COL5A1: variants seen among roughly 807,000 people sequenced by gnomAD.
The protein encoded by COL5A1 is collagen alpha-1(V) chain.
COL5A1 carries 16 observed loss-of-function variants against 263.7 expected under a neutral mutation model. The observed-to-expected ratio is 0.06, with a 90% CI of 0.04 to 0.09. COL5A1 has a LOEUF of 0.09. COL5A1 is among the 10% of genes least tolerant of loss of function. COL5A1 has a pLI of 1.00. For synonymous variants in COL5A1, 1,012 were observed against 1,004.5 expected, an observed-to-expected ratio of 1.01 and a Z score of -0.14; for missense variants, 2,036 against 2,540.5, an observed-to-expected ratio of 0.80 and a Z score of 4.27.
In COL5A1 at chr9:134,830,038, G is replaced by C. The variant is rs772575028; in HGVS notation, c.5130G>C (p.Gly1710=). The C allele has an allele frequency of 1.9e-6, 3 of 1,613,918 alleles. No homozygotes were observed. The African/African-American group carries it at 4.0e-5, about 22-fold the overall frequency. ...CCTGGTTCAGTGAATTCAAGCGTGG[G>C]AAACTGGTAAGGTGGCCTCTGGCGT... ...PGSWFSEFKR[G]KLLSYVDAEG... is the part of the protein sequence containing the mutation. The change falls in exon 64 of 66, where the codon GGG becomes GGC. Residue 1710 remains glycine (G), a synonymous_variant. Transcript: ENST00000371817.
At chr9:134,776,102 C>T (rs1837042578) in intron 27 of COL5A1, among the ~76,000 whole-genome samples, 1 of 152,142 alleles carries the variant, frequency 6.6e-6, no homozygotes, top group Non-Finnish European at 1.5e-5. Context: ...ACTTCCATTT[C>T]CCAGGAATGA....
At chr9:134,747,476 TAC>T (rs1835559824) in intron 11 of COL5A1, among the ~76,000 whole-genome samples, 3 of 150,728 alleles carry the variant, frequency 2.0e-5, no homozygotes, top group Admixed American at 1.3e-4. Context: ...TACACATGCA[TAC>T]ACACATGCAT....
chr9:134,782,757 G>C, intron 29 of COL5A1, 37 bp downstream of exon 29: 3 of 1,602,972 alleles, frequency 1.9e-6, no homozygotes, highest in Non-Finnish European at 2.6e-6. Flanking sequence ...GCTGGGGAAA[G>C]CTGGGTGGGC....
chr9:134,811,536 C>T lies in COL5A1; in HGVS notation c.3627C>T (p.Phe1209=), dbSNP rs748000980. Residue 1209 remains phenylalanine (F), a synonymous_variant, in exon 46 of 66, where the codon TTC becomes TTT. Transcript: ENST00000371817. The part of the protein sequence containing the change: ...EPGPRGQQGL[F]GQKGDEGPRG... Reference sequence around the variant, plus strand: ...GGCCTCGGGGCCAGCAGGGCCTTTTCGGGCAGAAAGGTGATGAAGGTCCCA... The same window carrying T: ...GGCCTCGGGGCCAGCAGGGCCTTTTTGGGCAGAAAGGTGATGAAGGTCCCA... 29 of 1,596,634 alleles carry T rather than the reference C, an allele frequency of 1.8e-5. No individual in the cohort carries two copies. The highest frequency in any genetic ancestry group is 4.5e-5 in the South Asian group (4 of 89,524).
At chr9:134,687,466 C>T (rs1181637225) in intron 1 of COL5A1, among the ~76,000 whole-genome samples, 4 of 151,758 alleles carry the variant, frequency 2.6e-5, no homozygotes, top group Non-Finnish European at 4.4e-5. Context: ...CATCATCCAT[C>T]CATCCATTCA....
At chr9:134,685,510 C>A (rs200408399) in intron 1 of COL5A1, among the ~76,000 whole-genome samples, 4,253 of 89,882 alleles carry the variant, frequency 0.047, 148 homozygotes, top group Admixed American at 0.064. Context: ...CCATCCATCA[C>A]CATCCATCCA....
At chr9:134,833,592 A>G (rs1217937743) in intron 64 of COL5A1, among the ~76,000 whole-genome samples, 1 of 152,150 alleles carries the variant, frequency 6.6e-6, no homozygotes, top group Non-Finnish European at 1.5e-5. Flanking sequence ...TTGAGTGGCC[A>G]TGCCAGACAT....
intron 64 of COL5A1, among the ~76,000 whole-genome samples, chr9:134,834,480 C>T (rs1021043204): frequency 2.0e-5 from 3 of 152,130 alleles, no homozygotes; most frequent in South Asian, 4.2e-4. Context: ...CACTGGCTGC[C>T]GTTCACCATG....
intron 18 of COL5A1, among the ~76,000 whole-genome samples, chr9:134,760,757 A>ACC: frequency 7.8e-6 from 1 of 127,554 alleles, no homozygotes; most frequent in African/African-American, 3.3e-5. Flanking sequence ...CACACACCCC[A>ACC]CACATACACG....
At position 134,821,879 on chromosome 9, in the gene COL5A1, G is replaced by A. The variant is rs1052226932; in HGVS notation, c.4555-218G>A. On this transcript the variant is annotated intron_variant, in intron 58 of 65. Transcript: ENST00000371817. This position sits in a 1 kb window ranked among gnomAD's most constrained non-coding sequence, Gnocchi z 4.2. Reference sequence around the variant, plus strand: ...GCAGCCCAGCCGGGGGAGCAGTGCCGAGGGCTGGCAGCCTTGGGGTGGATG... The same window carrying A: ...GCAGCCCAGCCGGGGGAGCAGTGCCAAGGGCTGGCAGCCTTGGGGTGGATG... Among the ~76,000 whole-genome samples, 1 of 152,240 alleles carries A rather than the reference G, an allele frequency of 6.6e-6. No homozygotes were observed. The highest frequency in any genetic ancestry group is 2.4e-5 in the African/African-American group (1 of 41,466).
chr9:134,798,746 G>A (rs1448955452), intron 37 of COL5A1, among the ~76,000 whole-genome samples: 1 of 152,242 alleles, frequency 6.6e-6, no homozygotes, highest in East Asian at 1.9e-4. Context: ...TTGGTGAGAG[G>A]CCACATTTAA....
Position 134,821,687 on chromosome 9 carries a change from G to C in COL5A1, c.4555-410G>C, listed in dbSNP as rs952480974. On this transcript the variant is annotated intron_variant, in intron 58 of 65. Coordinates refer to ENST00000371817, the MANE Select transcript of COL5A1 (RefSeq NM_000093.5). The surrounding 1 kb of genome is among the most constrained non-coding windows in gnomAD (Gnocchi z 4.2). ...ATGGGACTCCCTGCCCAACCCCTCC[G>C]GGCTTAGTTCTAGAGGGGAGACTAA... Among the ~76,000 whole-genome samples the C allele has an allele frequency of 6.6e-6, 1 of 152,194 alleles. No individual in the cohort carries two copies. Among genetic ancestry groups the C allele is most frequent in the Non-Finnish European group, 1.5e-5 (1 of 68,040 alleles).
At chr9:134,761,581 G>A (rs1327096438) in intron 18 of COL5A1, among the ~76,000 whole-genome samples, 3 of 152,232 alleles carry the variant, frequency 2.0e-5, no homozygotes, top group Admixed American at 6.5e-5. Flanking sequence ...GGGTATGAGC[G>A]TGAGGCTGCT....
In COL5A1 at chr9:134,822,866, A is replaced by T. The variant is rs952153639; in HGVS notation, c.4609-132A>T. ...CCTCCCACTCTAGCCGGGCAAATAC[A>T]AGCATAGACTCTTGAGGGGGATGCG... On this transcript the variant is annotated intron_variant, in intron 59 of 65. Coordinates refer to ENST00000371817, the MANE Select transcript of COL5A1 (RefSeq NM_000093.5). 2.0e-5 allele frequency: 21 copies of T among 1,039,552 alleles called. No homozygotes were observed. In the African/African-American group the frequency reaches 3.1e-4, roughly 16 times the overall value. The allele number at this position is 1,039,552 out of a possible 1,614,324, so 64.4% of individuals were successfully genotyped here. A position where few individuals can be genotyped will look rare whatever the true frequency, so the allele number is the denominator to read the frequency against.
At position 134,730,381 on chromosome 9, in the gene COL5A1, A is replaced by T. The variant is rs1424409859; in HGVS notation, c.1070A>T (p.Tyr357Phe). ...CCCTCACCGTATGATGACCTCACCT[A>T]TGGCGAGGGGGAGGAGAACCCCGAC... ...YTPSPYDDLT[Y>F]GEGEENPDQP... Residue 357 changes from tyrosine (Y) to phenylalanine (F), a missense_variant, in exon 7 of 66, where the codon TAT (tyrosine) becomes TTT (phenylalanine). Physicochemically the swap from Tyr to Phe is conservative, Grantham distance 22. Around this residue, in one of 3 missense-constraint regions of COL5A1, gnomAD observed 600 missense variants for 634.5 expected, o/e 0.95. Transcript: ENST00000371817. 6.2e-7 allele frequency: 1 copy of T among 1,614,212 alleles called. No homozygotes were observed. Among genetic ancestry groups the T allele is most frequent in the Non-Finnish European group, 8.5e-7 (1 of 1,180,024 alleles).
At chr9:134,788,175 T>C (rs1229470824) in intron 31 of COL5A1, among the ~76,000 whole-genome samples, 1 of 140,290 alleles carries the variant, frequency 7.1e-6, no homozygotes. Context: ...AGTGGATGAA[T>C]GGAGGGGTGG....
chr9:134,829,884 G>C (rs1013461690), intron 63 of COL5A1, 92 bp from the exon 64 acceptor site: 3 of 1,412,050 alleles, frequency 2.1e-6, no homozygotes, highest in Non-Finnish European at 2.9e-6. Flanking sequence ...AGGCGCGGGG[G>C]CCGGGAAAGC....
rs1488358060 is a variant in COL5A1 at position 134,757,914 on chromosome 9, G to A, written c.1882-329G>A. Among the ~76,000 whole-genome samples, 1 of 152,166 alleles carries A rather than the reference G, an allele frequency of 6.6e-6. No individual in the cohort carries two copies. The highest frequency in any genetic ancestry group is 1.5e-5 in the Non-Finnish European group (1 of 68,034). ...CTCTCCTGGAGCCTCCCTGGGGTGG[G>A]GGAGATCAGCAGCAGACACTCACAC... On this transcript the variant is annotated intron_variant, in intron 17 of 65. Transcript: ENST00000371817. The surrounding 1 kb of genome is among the most constrained non-coding windows in gnomAD (Gnocchi z 6.2).
chr9:134,721,677 C>G (rs1478590376), intron 4 of COL5A1, among the ~76,000 whole-genome samples: 1 of 152,254 alleles, frequency 6.6e-6, no homozygotes, highest in Non-Finnish European at 1.5e-5. Flanking sequence ...TCACAGAGCC[C>G]TCTTCTCAGC....
Sources: allele counts gnomAD v4.1 joint callset (sites outside exome capture counted in the v4.1 genomes callset), GRCh38; gene constraint gnomAD v4.1.1; regional missense constraint gnomAD v4.1.1; non-coding constraint Gnocchi (gnomAD v3.1); transcripts MANE v1.5; gene names NCBI Gene and HGNC (gene_info 2026-07-23, HGNC 2026-07-21).